SLC14A2: variants seen among roughly 807,000 people sequenced by gnomAD.
SLC14A2 encodes solute carrier family 14 member 2.
SLC14A2 carries 91 observed loss-of-function variants against 104.6 expected under a neutral mutation model. That is an observed-to-expected ratio of 0.87 (90% CI 0.73 to 1.04). The LOEUF (loss-of-function observed/expected upper bound fraction) is 1.04. Ranked by LOEUF, SLC14A2 falls within the 50% of genes least tolerant of loss-of-function variation. SLC14A2 has a pLI of 0.00. For missense variants in SLC14A2, 1,189 were observed against 1,156.0 expected (o/e 1.03, Z -0.41); for synonymous variants, 476 against 466.4 (o/e 1.02, Z -0.27).
intron 1 of SLC14A2, among the ~76,000 whole-genome samples, chr18:45,229,927 C>T (rs978154344): frequency 6.6e-6 from 1 of 151,974 alleles, no homozygotes; most frequent in African/African-American, 2.4e-5. Context: ...GTGCTTGCTA[C>T]ACAGCCTTGG....
At chr18:45,345,387 TA>T (rs1224189175) in intron 1 of SLC14A2, among the ~76,000 whole-genome samples, 1 of 152,226 alleles carries the variant, frequency 6.6e-6, no homozygotes, top group Admixed American at 6.5e-5. Flanking sequence ...CCCTTTCCTC[TA>T]ATGATGTCAC....
At chr18:45,428,829 C>T (rs1042782083) in intron 1 of SLC14A2, among the ~76,000 whole-genome samples, 1 of 152,194 alleles carries the variant, frequency 6.6e-6, no homozygotes, top group Non-Finnish European at 1.5e-5. Flanking sequence ...TTAATAAGTA[C>T]AGAGAACATA....
chr18:45,168,925 T>C, the SLC14A2 span: 1 of 152,178 alleles, frequency 6.6e-6, no homozygotes, highest in African/African-American at 2.4e-5. Flanking sequence ...AAAGGGTGTT[T>C]TATGGTTTTG....
intron 2 of SLC14A2, among the ~76,000 whole-genome samples, chr18:45,602,763 A>G: frequency 6.6e-6 from 1 of 152,220 alleles, no homozygotes; most frequent in African/African-American, 2.4e-5. Flanking sequence ...TAAAATGCAG[A>G]CACTTGTGTG....
At chr18:45,250,751 C>CTGACTTTTTTTTTTTTTTTTTTTTTTTT (rs1165070845) in intron 1 of SLC14A2, among the ~76,000 whole-genome samples, 19 of 113,902 alleles carry the variant, frequency 1.7e-4, no homozygotes, top group African/African-American at 5.5e-4. Context: ...CTAGTGGCTT[C>CTGACTTTTTTTTTTTTTTTTTTTTTTTT]TTCCTTTTTT....
chr18:45,250,566 T>C (rs1370323602), intron 1 of SLC14A2, among the ~76,000 whole-genome samples: 1 of 152,228 alleles, frequency 6.6e-6, no homozygotes, highest in Non-Finnish European at 1.5e-5. Context: ...CTTTCTACTT[T>C]CTAAACATCC....
chr18:45,523,542 G>A (rs555564901), intron 2 of SLC14A2, among the ~76,000 whole-genome samples: 21 of 141,892 alleles, frequency 1.5e-4, no homozygotes, highest in Non-Finnish European at 3.0e-4. Context: ...ACACCATGTT[G>A]GCCAAGATGG....
intron 2 of SLC14A2, among the ~76,000 whole-genome samples, chr18:45,555,442 TAA>T (rs2044119076): frequency 6.6e-6 from 1 of 152,148 alleles, no homozygotes; most frequent in African/African-American, 2.4e-5. Flanking sequence ...GAAAATATCA[TAA>T]GTCAAAAATA....
At chr18:45,251,608 A>G (rs1453190414) in intron 1 of SLC14A2, among the ~76,000 whole-genome samples, 2 of 152,194 alleles carry the variant, frequency 1.3e-5, no homozygotes, top group Non-Finnish European at 2.9e-5. Context: ...GTTTCTTTTG[A>G]GGCCTGTCTC....
chr18:45,625,868 G>A lies in SLC14A2; in HGVS notation c.331+5G>A, dbSNP rs2045249605. ...AGTACAGGATCTGGCTGAAAGGTAG[G>A]AAAATACCCTGGGGAGAGGCAGCCA... On this transcript the variant is annotated splice_donor_5th_base_variant and intron_variant, in intron 3 of 19. Transcript: ENST00000255226. 4 of 1,453,930 alleles carry A rather than the reference G, an allele frequency of 2.8e-6. No individual in the cohort carries two copies. In the South Asian group the frequency reaches 6.2e-5, roughly 23 times the overall value. 90.1% of individuals were successfully genotyped at this position (1,453,930 alleles called of 1,614,324 possible). A position where few individuals can be genotyped will look rare whatever the true frequency, so the allele number is the denominator to read the frequency against.
intron 1 of SLC14A2, among the ~76,000 whole-genome samples, chr18:45,293,372 T>G (rs1224518561): frequency 6.6e-6 from 1 of 152,158 alleles, no homozygotes; most frequent in Non-Finnish European, 1.5e-5. Flanking sequence ...GTGAATGTAA[T>G]GGACACAACA....
At chr18:45,611,352 C>T (rs897604149), upstream of SLC14A2, among the ~76,000 whole-genome samples, 1 of 152,180 alleles carries the variant, frequency 6.6e-6, no homozygotes. Context: ...AACATCTGTG[C>T]AGGAAAAGGG....
rs181268676 is a variant in SLC14A2, at chr18:45,586,048, C to T, written c.-34-38583C>T. Among the ~76,000 whole-genome samples, 20 of 152,222 alleles carry T rather than the reference C, an allele frequency of 1.3e-4. No individual in the cohort carries two copies. The South Asian group carries it at 2.1e-3, about 16-fold the overall frequency. ...AGTGCCCTCTGCCCTCCTGTGGCAC[C>T]GACAAGTAATAAATATGTTAATACA... On this transcript the variant is annotated intron_variant, in intron 2 of 20. Coordinates refer to the SLC14A2 transcript ENST00000586448.
chr18:45,169,749 A>T, the SLC14A2 span, among the ~76,000 whole-genome samples: 1 of 152,168 alleles, frequency 6.6e-6, no homozygotes. Flanking sequence ...AATGTTAAGG[A>T]TAGTCATAGC....
intron 1 of SLC14A2, among the ~76,000 whole-genome samples, chr18:45,298,091 T>C (rs1167321807): frequency 2.6e-5 from 4 of 152,208 alleles, no homozygotes; most frequent in African/African-American, 9.7e-5. Flanking sequence ...CCTATAATCA[T>C]AATATAATAT....
At chr18:45,530,837 T>A (rs1472136074) in intron 2 of SLC14A2, among the ~76,000 whole-genome samples, 3 of 152,132 alleles carry the variant, frequency 2.0e-5, no homozygotes, top group Non-Finnish European at 4.4e-5. Flanking sequence ...CTCCTAATGC[T>A]ATCCCTCCCC....
chr18:45,618,713 G>A (rs2045115507), intron 1 of SLC14A2, among the ~76,000 whole-genome samples: 1 of 149,716 alleles, frequency 6.7e-6, no homozygotes, highest in Admixed American at 6.6e-5. Flanking sequence ...TAGTAAATGG[G>A]GCCATTTGAG....
the SLC14A2 span, among the ~76,000 whole-genome samples, chr18:45,192,727 G>A: frequency 1.3e-5 from 2 of 151,732 alleles, no homozygotes; most frequent in Non-Finnish European, 2.9e-5. Context: ...TATAGTCTTG[G>A]CTCACTGCAA....
Position 45,511,386 on chromosome 18 carries a change from C to T in SLC14A2, c.-35+28064C>T, listed in dbSNP as rs200316452. On this transcript the variant is annotated intron_variant, in intron 2 of 20. Coordinates refer to the SLC14A2 transcript ENST00000586448. The stretch of plus-strand genomic sequence containing the variant: ...TAATTTTTCAGACTCTCTGACATCA[C>T]TCAGGAGTGGATCCTTTTGGGATCC... Among the ~76,000 whole-genome samples, 18 of 152,260 alleles carry T rather than the reference C, an allele frequency of 1.2e-4. No individual in the cohort carries two copies. In the East Asian group the frequency reaches 1.9e-3, roughly 16 times the overall value.
Sources: allele counts gnomAD v4.1 joint callset (sites outside exome capture counted in the v4.1 genomes callset), GRCh38; gene constraint gnomAD v4.1.1; transcripts MANE v1.5; gene names NCBI Gene and HGNC (gene_info 2026-07-23, HGNC 2026-07-21).